The following RLF variants were observed in gnomAD, a reference collection of about 807,000 sequenced individuals.
RLF encodes RLF zinc finger.
In RLF, 7 loss-of-function variants were observed where a neutral mutation model predicts 162.9. The ratio of observed to expected loss-of-function variants is 0.04; its 90% CI spans 0.02 to 0.08. The LOEUF (loss-of-function observed/expected upper bound fraction) is 0.08. Ranked by LOEUF, RLF falls within the 10% of genes least tolerant of loss-of-function variation. The probability of loss-of-function intolerance (pLI) is 1.00; values close to 1 mark genes in which losing one functional copy is unlikely to be tolerated. For missense variants in RLF, 1,664 were observed against 2,244.7 expected (o/e 0.74, Z 5.23); for synonymous variants, 782 against 791.5 (o/e 0.99, Z 0.20).
intron 7 of RLF, among the ~76,000 whole-genome samples, chr1:40,234,010 G>A (rs770381663): frequency 2.0e-5 from 3 of 152,142 alleles, no homozygotes; most frequent in Non-Finnish European, 4.4e-5. Flanking sequence ...ATGCAGTGGC[G>A]TGATCTCAGC....
At position 40,239,776 on chromosome 1, in the gene RLF, C is replaced by T. The variant is rs763202172; in HGVS notation, c.5074C>T (p.Pro1692Ser). The T allele has an allele frequency of 2.2e-5, 36 of 1,614,046 alleles. No homozygotes were observed. Among genetic ancestry groups the T allele is most frequent in the Admixed American group, 5.0e-5 (3 of 60,006 alleles). Residue 1692 changes from proline (P) to serine (S), a missense_variant, in exon 8 of 8, where the codon CCT (proline) becomes TCT (serine). Pro to Ser is a moderately conservative substitution (Grantham distance 74, BLOSUM62 -1). Coordinates refer to ENST00000372771, the MANE Select transcript of RLF (RefSeq NM_012421.4). ...SLEQCNIVQP[P>S]PPCKIENSIP... ...AGAACAGTGTAATATAGTTCAGCCT[C>T]CTCCTCCTTGTAAAATAGAAAATTC...
rs1393181870 is a variant in RLF at position 40,236,212 on chromosome 1, A to G, written c.1510A>G (p.Thr504Ala). ...TGGCTATGAAATGTCCATTAATGAC[A>G]CAGATGTTTTAGAGTCATTTCTCAG... ...LSGYEMSINDTDVLESFLSDY... is the reference protein window; with the variant it reads ...LSGYEMSINDADVLESFLSDY... Residue 504 changes from threonine to alanine, a missense_variant, in exon 8 of 8, where the codon ACA (threonine) becomes GCA (alanine). Transcript: ENST00000372771. The surrounding 1 kb of genome is among the most constrained non-coding windows in gnomAD (Gnocchi z 7.7). 6.2e-7 allele frequency: 1 copy of G among 1,613,848 alleles called. No individual in the cohort carries two copies. The highest frequency in any genetic ancestry group is 8.5e-7 in the Non-Finnish European group (1 of 1,179,904).
At chr1:40,177,109 T>TA (rs1426178162) in intron 1 of RLF, among the ~76,000 whole-genome samples, 6 of 151,936 alleles carry the variant, frequency 3.9e-5, no homozygotes, top group Non-Finnish European at 8.8e-5. Context: ...TGCCTCAGAC[T>TA]CCTGAGTAGC....
chr1:40,202,248 C>T (rs764170354), intron 4 of RLF, among the ~76,000 whole-genome samples, 164 bp from the exon 5 acceptor site: 1 of 152,142 alleles, frequency 6.6e-6, no homozygotes, highest in Non-Finnish European at 1.5e-5. Context: ...ATTTTCCTCT[C>T]ATCTCTATTA....
chr1:40,195,815 A>C (rs868845494), intron 4 of RLF, 51 bp downstream of exon 4: 3 of 1,556,314 alleles, frequency 1.9e-6, no homozygotes, highest in Non-Finnish European at 2.6e-6. Context: ...GAACGTTGGA[A>C]TTGATTATGG....
chr1:40,216,962 T>G (rs765097749), intron 5 of RLF, among the ~76,000 whole-genome samples: 1 of 151,774 alleles, frequency 6.6e-6, no homozygotes, highest in Non-Finnish European at 1.5e-5. Context: ...TGAGGCAGAA[T>G]TGGATGAACC....
chr1:40,239,906 A>C lies in RLF; in HGVS notation c.5204A>C (p.Gln1735Pro), dbSNP rs140741418. The part of the protein sequence containing the change: ...ESETRQHSSG[Q>P]ENTVKNPTHV... The stretch of plus-strand genomic sequence containing the variant: ...GAAACTAGGCAGCATAGTTCAGGGC[A>C]AGAAAACACTGTAAAAAATCCAACC... Residue 1735 changes from glutamine to proline, a missense_variant, in exon 8 of 8, where the codon CAA becomes CCA. By Grantham distance (76) the Gln-to-Pro change is moderately conservative. This residue lies in a region of RLF where 327 missense variants were observed against 342.7 expected (regional missense o/e 0.95). Transcript: ENST00000372771. 967 of 1,613,774 alleles carry C rather than the reference A, an allele frequency of 6.0e-4. 11 individuals are homozygous for C. The African/African-American group carries it at 0.011, about 19-fold the overall frequency.
intron 1 of RLF, among the ~76,000 whole-genome samples, chr1:40,167,792 C>G (rs2124523208): frequency 6.6e-6 from 1 of 151,310 alleles, no homozygotes; most frequent in East Asian, 1.9e-4. Flanking sequence ...CTTTTATTTA[C>G]CTAGTGCCTA....
chr1:40,169,723 G>A (rs1449182528), intron 1 of RLF, among the ~76,000 whole-genome samples: 9 of 140,688 alleles, frequency 6.4e-5, no homozygotes, highest in Admixed American at 1.4e-4. Flanking sequence ...ATGAAGTTTC[G>A]CTTTTGTTGC....
chr1:40,205,331 G>C (rs68102323), intron 5 of RLF, among the ~76,000 whole-genome samples: 6,365 of 152,038 alleles, frequency 0.042, 196 homozygotes, highest in South Asian at 0.12. Context: ...ACAACAGAAC[G>C]AGACTCTGTC....
intron 1 of RLF, among the ~76,000 whole-genome samples, chr1:40,179,613 A>G (rs1642380626): frequency 6.6e-6 from 1 of 150,798 alleles, no homozygotes; most frequent in African/African-American, 2.4e-5. Context: ...CATCTTAACC[A>G]TTTTTGAGAG....
intron 5 of RLF, among the ~76,000 whole-genome samples, chr1:40,202,917 A>G (rs16827047): frequency 0.052 from 7,894 of 152,130 alleles, 597 homozygotes; most frequent in African/African-American, 0.17. Context: ...TGACGTCTCC[A>G]TGTTTGGGGA....
At chr1:40,201,506 G>A (rs1182704784) in intron 4 of RLF, among the ~76,000 whole-genome samples, 1 of 151,476 alleles carries the variant, frequency 6.6e-6, no homozygotes, top group Non-Finnish European at 1.5e-5. Flanking sequence ...GGCACCTGTA[G>A]TCCCAGCTAC....
At chr1:40,222,819 A>T (rs1239482782) in intron 6 of RLF, 109 bp downstream of exon 6, 13 of 857,106 alleles carry the variant, frequency 1.5e-5, no homozygotes, top group Non-Finnish European at 2.4e-5. Flanking sequence ...ATGACCTGTG[A>T]ATAGCTTCTT....
rs57362681 is a variant in RLF at position 40,174,370 on chromosome 1, C to CAA, written c.237+12747_237+12748dup. ...TGGGTAACAGAGTGAGACTCTGTCT[C>CAA]AAAAAAAAAAAAAAGTGACCTTTAT... On this transcript the variant is annotated intron_variant, in intron 1 of 7. Transcript: ENST00000372771. 5.6e-4 allele frequency among the ~76,000 whole-genome samples: 72 copies of CAA among 128,446 alleles called. 1 individual carries two copies. The East Asian group carries it at 9.3e-3, about 17-fold the overall frequency. 84.3% of individuals were successfully genotyped at this position (128,446 alleles called of 152,430 possible). A position where few individuals can be genotyped will look rare whatever the true frequency, so the allele number is the denominator to read the frequency against.
rs59858431 is a variant in RLF at position 40,216,487 on chromosome 1, T to TA, written c.811-6073dup. 7.1e-3 allele frequency among the ~76,000 whole-genome samples: 915 copies of TA among 128,890 alleles called. 2 individuals carry two copies. The highest frequency in any genetic ancestry group is 0.011 in the Non-Finnish European group (653 of 60,024). The allele number at this position is 128,890 out of a possible 152,430, so 84.6% of individuals were successfully genotyped here. On this transcript the variant is annotated intron_variant, in intron 5 of 7. Transcript: ENST00000372771. ...TGGGCAACAAGAGCGAAACTCTGTC[T>TA]AAAAAAAAAAAAAAGAGAGAGAGAA...
At chr1:40,203,716 C>T (rs993644074) in intron 5 of RLF, among the ~76,000 whole-genome samples, 3 of 152,062 alleles carry the variant, frequency 2.0e-5, no homozygotes, top group African/African-American at 7.2e-5. Flanking sequence ...ATCCTCTTAT[C>T]TGCCATTCAA....
intron 4 of RLF, among the ~76,000 whole-genome samples, chr1:40,199,201 T>A (rs532815353): frequency 6.6e-6 from 1 of 152,128 alleles, no homozygotes; most frequent in Non-Finnish European, 1.5e-5. Context: ...GATTGGAGAG[T>A]GATGACCCTT....
At chr1:40,227,955 A>G (rs188507276) in intron 6 of RLF, among the ~76,000 whole-genome samples, 5 of 152,100 alleles carry the variant, frequency 3.3e-5, no homozygotes, top group African/African-American at 7.2e-5. Context: ...GTAAGCCGAT[A>G]TCGCACCACT....
Sources: gnomAD v4.1 joint callset for allele counts (sites outside exome capture counted in the v4.1 genomes callset) on GRCh38, gnomAD v4.1.1 for gene constraint, gnomAD v4.1.1 regional missense constraint, Gnocchi (gnomAD v3.1) non-coding constraint, MANE v1.5 for transcripts, NCBI Gene and HGNC (gene_info 2026-07-23, HGNC 2026-07-21) for gene names.